The following ARHGAP10 variants were observed in gnomAD, a reference collection of about 807,000 sequenced individuals.
The protein encoded by ARHGAP10 is Rho GTPase activating protein 10, also known as rho GTPase-activating protein 10.
A neutral mutation model predicts 108.6 loss-of-function variants in ARHGAP10; 87 were observed. The observed-to-expected ratio is 0.80, with a 90% confidence interval of 0.67 to 0.96. ARHGAP10 has a LOEUF of 0.96. Among genes scored for constraint, ARHGAP10 ranks in the 40% least tolerant of loss-of-function variants. ARHGAP10 has a pLI of 0.00. For synonymous variants in ARHGAP10, 347 were observed against 341.1 expected, an observed-to-expected ratio of 1.02 and a Z score of -0.19; for missense variants, 939 against 954.5, an observed-to-expected ratio of 0.98 and a Z score of 0.21.
At chr4:147,857,746 C>A in intron 5 of ARHGAP10, 92 bp downstream of exon 5, 1 of 1,135,746 alleles carries the variant, frequency 8.8e-7, no homozygotes, top group Non-Finnish European at 1.2e-6. Context: ...AACTTTTCAT[C>A]TGGCATTATA....
At position 147,875,166 on chromosome 4, in the gene ARHGAP10, G is replaced by A. The variant is rs778309775; in HGVS notation, c.832+16G>A. 12 of 1,555,802 alleles carry A rather than the reference G, an allele frequency of 7.7e-6. No individual in the cohort carries two copies. Among genetic ancestry groups the A allele is most frequent in the Non-Finnish European group, 1.0e-5 (12 of 1,158,558 alleles). On this transcript the variant is annotated intron_variant, in intron 8 of 22. Transcript: ENST00000336498. ...CAGGAAAAAAGTAAGAGGCCCTCCA[G>A]CAGTGGCTGCGTGGCTGCTTAAAAA...
At chr4:147,859,941 T>G (rs1435085623) in intron 5 of ARHGAP10, among the ~76,000 whole-genome samples, 1 of 152,242 alleles carries the variant, frequency 6.6e-6, no homozygotes, top group African/African-American at 2.4e-5. Context: ...AGCCTTCTAT[T>G]TTAAGTGTGA....
chr4:148,054,811 A>G (rs1047813641), intron 20 of ARHGAP10, among the ~76,000 whole-genome samples: 2 of 152,200 alleles, frequency 1.3e-5, no homozygotes, highest in Non-Finnish European at 2.9e-5. Context: ...TAGCTCACCC[A>G]TTACAACAAG....
chr4:147,803,602 A>T (rs1731665344), intron 1 of ARHGAP10, among the ~76,000 whole-genome samples: 1 of 152,006 alleles, frequency 6.6e-6, no homozygotes, highest in South Asian at 2.1e-4. Context: ...ATGCTTCCCT[A>T]CCTCTGGTAA....
chr4:147,790,427 A>G lies in ARHGAP10; in HGVS notation c.155-32300A>G, dbSNP rs113219618. 8.4e-3 allele frequency among the ~76,000 whole-genome samples: 1,280 copies of G among 152,374 alleles called. 20 individuals carry two copies. The highest frequency in any genetic ancestry group is 0.036 in the East Asian group (184 of 5,182). On this transcript the variant is annotated intron_variant, in intron 1 of 22. Transcript: ENST00000336498. ...CTTTAAAAAATGGGCTGTCTGGCAGAAAGTATGTTCTCAATTGTTGAGAAG... is the reference window on the plus strand; with the variant it reads ...CTTTAAAAAATGGGCTGTCTGGCAGGAAGTATGTTCTCAATTGTTGAGAAG...
intron 11 of ARHGAP10, among the ~76,000 whole-genome samples, chr4:147,907,444 C>T (rs184084441): frequency 7.2e-5 from 11 of 152,240 alleles, no homozygotes; most frequent in African/African-American, 2.6e-4. Flanking sequence ...AATAAACTGC[C>T]ATTGCAGGTG....
intron 1 of ARHGAP10, among the ~76,000 whole-genome samples, chr4:147,768,767 C>G (rs1729941674): frequency 7.2e-6 from 1 of 139,256 alleles, no homozygotes; most frequent in African/African-American, 2.7e-5. Context: ...GGCAGGGAAT[C>G]TTGCTCTGTC....
chr4:148,032,189 G>A (rs1728176453), intron 19 of ARHGAP10, among the ~76,000 whole-genome samples: 1 of 152,030 alleles, frequency 6.6e-6, no homozygotes, highest in African/African-American at 2.4e-5. Flanking sequence ...GATACAAAGT[G>A]GAAAGATCTA....
At chr4:147,889,930 A>G (rs966440228) in intron 10 of ARHGAP10, among the ~76,000 whole-genome samples, 25 of 152,216 alleles carry the variant, frequency 1.6e-4, no homozygotes, top group Non-Finnish European at 2.9e-4. Context: ...TTGTTTGGGA[A>G]GCCCAGAGGT....
chr4:147,764,193 C>T (rs981252363), intron 1 of ARHGAP10, among the ~76,000 whole-genome samples: 9 of 152,112 alleles, frequency 5.9e-5, no homozygotes, highest in African/African-American at 2.2e-4. Flanking sequence ...TGGGAAAATA[C>T]AAGGTCTGTT....
intron 16 of ARHGAP10, among the ~76,000 whole-genome samples, chr4:147,956,113 T>C (rs1271200071): frequency 6.6e-6 from 1 of 152,172 alleles, no homozygotes; most frequent in Non-Finnish European, 1.5e-5. Flanking sequence ...TGCCAGATTA[T>C]AGGGAGCCTT....
At chr4:148,041,348 A>G (rs111417179) in intron 19 of ARHGAP10, among the ~76,000 whole-genome samples, 1 of 152,346 alleles carries the variant, frequency 6.6e-6, no homozygotes, top group African/African-American at 2.4e-5. Context: ...GGGGGGAACT[A>G]TCTCTGACGT....
chr4:147,903,291 AC>A (rs1333803779), intron 10 of ARHGAP10, among the ~76,000 whole-genome samples: 1 of 152,188 alleles, frequency 6.6e-6, no homozygotes, highest in Non-Finnish European at 1.5e-5. Context: ...TTCAAAAAAA[AC>A]TTTTCTGAGA....
At chr4:147,906,781 T>G in intron 11 of ARHGAP10, 62 bp downstream of exon 11, 1 of 1,585,258 alleles carries the variant, frequency 6.3e-7, no homozygotes, top group Non-Finnish European at 8.7e-7. Flanking sequence ...GCATTCATTT[T>G]TATGTTATTT....
At chr4:147,968,888 C>T (rs1739298877) in intron 18 of ARHGAP10, among the ~76,000 whole-genome samples, 1 of 152,188 alleles carries the variant, frequency 6.6e-6, no homozygotes, top group South Asian at 2.1e-4. Context: ...AGCAGGTCGT[C>T]ATCTGGGGGC....
At chr4:147,756,179 C>T (rs2126698852) in intron 1 of ARHGAP10, among the ~76,000 whole-genome samples, 1 of 151,726 alleles carries the variant, frequency 6.6e-6, no homozygotes, top group South Asian at 2.1e-4. Flanking sequence ...GTATCCAAGG[C>T]TTTCCCAGGA....
intron 19 of ARHGAP10, among the ~76,000 whole-genome samples, chr4:148,035,512 G>A (rs917048780): frequency 2.6e-4 from 40 of 152,118 alleles, no homozygotes; most frequent in African/African-American, 9.2e-4. Flanking sequence ...TTATTATCTA[G>A]CAACTGACTG....
chr4:147,760,052 T>C, intron 1 of ARHGAP10, among the ~76,000 whole-genome samples: 1 of 152,172 alleles, frequency 6.6e-6, no homozygotes, highest in East Asian at 1.9e-4. Flanking sequence ...GCCTGGCCTT[T>C]TACTGTGTAT....
At chr4:147,826,651 C>T (rs537101559) in intron 3 of ARHGAP10, among the ~76,000 whole-genome samples, 22 of 152,320 alleles carry the variant, frequency 1.4e-4, no homozygotes, top group African/African-American at 5.1e-4. Context: ...GACATCCAGC[C>T]TCAGACCAGT....
Sources: allele counts gnomAD v4.1 joint callset (sites outside exome capture counted in the v4.1 genomes callset), GRCh38; gene constraint gnomAD v4.1.1; transcripts MANE v1.5; gene names NCBI Gene and HGNC (gene_info 2026-07-23, HGNC 2026-07-21).